DPP10: variants seen among roughly 807,000 people sequenced by gnomAD.
DPP10 encodes dipeptidyl peptidase like 10, also known as inactive dipeptidyl peptidase 10.
A neutral mutation model predicts 120.9 loss-of-function variants in DPP10; 33 were observed. The observed-to-expected ratio is 0.27, with a 90% CI of 0.21 to 0.37. The LOEUF is 0.37. DPP10 is among the 10% of genes least tolerant of loss of function. DPP10 has a pLI of 1.00. For missense variants in DPP10, 816 were observed against 942.8 expected (o/e 0.87, Z 1.76); for synonymous variants, 337 against 326.1 (o/e 1.03, Z -0.36).
At chr2:114,584,935 G>C (rs1465090213) in intron 1 of DPP10, among the ~76,000 whole-genome samples, 1 of 152,168 alleles carries the variant, frequency 6.6e-6, no homozygotes, top group Non-Finnish European at 1.5e-5. Flanking sequence ...AAGCCCATCA[G>C]GATCCAGGTT....
At chr2:115,111,858 GA>G (rs1430268725) in intron 1 of DPP10, among the ~76,000 whole-genome samples, 18 of 152,202 alleles carry the variant, frequency 1.2e-4, no homozygotes, top group Non-Finnish European at 2.4e-4. Flanking sequence ...ATGAAAAGTA[GA>G]AATAATTTTC....
At chr2:115,139,724 T>A (rs376954903) in intron 1 of DPP10, among the ~76,000 whole-genome samples, 7 of 56,632 alleles carry the variant, frequency 1.2e-4, no homozygotes, top group African/African-American at 3.6e-4. Context: ...GTAAAAATAC[T>A]AAAAAAAAAA....
intron 1 of DPP10, among the ~76,000 whole-genome samples, chr2:114,852,151 CTT>C (rs34580352): frequency 1.9e-4 from 10 of 53,726 alleles, no homozygotes; most frequent in African/African-American, 6.8e-4. Flanking sequence ...CGATTGCATC[CTT>C]TTTTTTTTTT....
intron 25 of DPP10, among the ~76,000 whole-genome samples, chr2:115,842,010 T>C (rs1026984118): frequency 6.6e-6 from 1 of 152,234 alleles, no homozygotes; most frequent in African/African-American, 2.4e-5. Flanking sequence ...GCCAACATAT[T>C]CTAATTTAAA....
intron 1 of DPP10, among the ~76,000 whole-genome samples, chr2:115,084,346 C>A (rs915290708): frequency 6.6e-6 from 1 of 152,182 alleles, no homozygotes; most frequent in Non-Finnish European, 1.5e-5. Context: ...TCAACATTAT[C>A]TGAAAATTGT....
intron 1 of DPP10, among the ~76,000 whole-genome samples, chr2:114,962,735 G>T (rs930312023): frequency 1.3e-5 from 2 of 152,166 alleles, no homozygotes; most frequent in Admixed American, 6.5e-5. Flanking sequence ...TCTACTTATG[G>T]AAGAGACATA....
intron 3 of DPP10, among the ~76,000 whole-genome samples, chr2:115,383,106 A>T (rs893164808): frequency 1.3e-5 from 2 of 152,246 alleles, no homozygotes; most frequent in African/African-American, 4.8e-5. Context: ...CAATGGGTAA[A>T]TAGCCTGAGT....
chr2:115,358,685 C>A (rs72957749), intron 3 of DPP10, among the ~76,000 whole-genome samples: 2,373 of 152,244 alleles, frequency 0.016, 59 homozygotes, highest in African/African-American at 0.054. Flanking sequence ...TCTGTTCTCA[C>A]GCTGCTATGA....
chr2:114,524,537 C>A (rs1313162930), intron 1 of DPP10, among the ~76,000 whole-genome samples: 1 of 152,188 alleles, frequency 6.6e-6, no homozygotes, highest in Non-Finnish European at 1.5e-5. Context: ...GTTGCTTGTT[C>A]ACTAAGAAAA....
At chr2:115,617,062 A>C (rs914818344) in intron 5 of DPP10, among the ~76,000 whole-genome samples, 3 of 62,014 alleles carry the variant, frequency 4.8e-5, no homozygotes, top group East Asian at 1.1e-3. Flanking sequence ...TGATTCATTG[A>C]TTAATTATTT....
intron 1 of DPP10, among the ~76,000 whole-genome samples, chr2:114,813,364 G>A (rs562006791): frequency 6.6e-6 from 1 of 152,258 alleles, no homozygotes; most frequent in East Asian, 1.9e-4. Flanking sequence ...GGTTATCTGA[G>A]TTTTATTTTC....
At chr2:114,601,719 G>A (rs930289659) in intron 1 of DPP10, among the ~76,000 whole-genome samples, 9 of 152,018 alleles carry the variant, frequency 5.9e-5, no homozygotes, top group Admixed American at 2.6e-4. Context: ...TACAGACCTC[G>A]TTTCACCTGT....
intron 24 of DPP10, among the ~76,000 whole-genome samples, chr2:115,839,696 G>A (rs1689892909): frequency 7.1e-6 from 1 of 140,458 alleles, no homozygotes; most frequent in Admixed American, 7.1e-5. Context: ...AAAAAAGGCA[G>A]CTTAAACATG....
intron 4 of DPP10, among the ~76,000 whole-genome samples, chr2:115,522,645 G>A (rs2077884594): frequency 6.6e-6 from 1 of 152,126 alleles, no homozygotes; most frequent in Non-Finnish European, 1.5e-5. Flanking sequence ...AATGTACATA[G>A]ATGGCAGGAT....
chr2:115,277,130 T>C (rs1363891947), intron 1 of DPP10, among the ~76,000 whole-genome samples: 1 of 152,186 alleles, frequency 6.6e-6, no homozygotes, highest in Non-Finnish European at 1.5e-5. Context: ...AAGATGTACA[T>C]TATTAAAGAA....
intron 1 of DPP10, among the ~76,000 whole-genome samples, chr2:115,063,486 TG>T (rs575888034): frequency 9.2e-5 from 14 of 152,248 alleles, no homozygotes; most frequent in African/African-American, 2.6e-4. Flanking sequence ...AGAACAAAGC[TG>T]GGGGCATCAT....
intron 5 of DPP10, among the ~76,000 whole-genome samples, chr2:115,594,769 G>T (rs1387314055): frequency 1.3e-5 from 2 of 152,084 alleles, no homozygotes; most frequent in Non-Finnish European, 2.9e-5. Context: ...AAAAGTCTTA[G>T]CACAGCCATG....
intron 1 of DPP10, among the ~76,000 whole-genome samples, chr2:115,096,548 TATACATATACAC>T (rs1318279875): frequency 6.6e-6 from 1 of 152,104 alleles, no homozygotes; most frequent in Non-Finnish European, 1.5e-5. Context: ...AATACATTCA[TATACATATACAC>T]ATACATATAC....
At chr2:114,538,297 C>A (rs1164146469) in intron 1 of DPP10, among the ~76,000 whole-genome samples, 2 of 152,160 alleles carry the variant, frequency 1.3e-5, no homozygotes, top group Non-Finnish European at 2.9e-5. Context: ...CAATGCTCAG[C>A]TCTTCCATGT....
Sources: gnomAD v4.1 joint callset for allele counts (sites outside exome capture counted in the v4.1 genomes callset) on GRCh38, gnomAD v4.1.1 for gene constraint, MANE v1.5 for transcripts, NCBI Gene and HGNC (gene_info 2026-07-23, HGNC 2026-07-21) for gene names.